ARRDC3: variants seen among roughly 807,000 people sequenced by gnomAD.
The protein encoded by ARRDC3 is arrestin domain-containing protein 3.
A neutral mutation model predicts 47.2 loss-of-function variants in ARRDC3; 10 were observed. The observed-to-expected ratio is 0.21, with a 90% CI of 0.13 to 0.36. ARRDC3 has a LOEUF of 0.36. ARRDC3 is among the 10% of genes least tolerant of loss of function. The probability of loss-of-function intolerance (pLI) is 1.00; values close to 1 mark genes in which losing one functional copy is unlikely to be tolerated. For synonymous variants in ARRDC3, 156 were observed against 178.3 expected, an observed-to-expected ratio of 0.87 and a Z score of 1.00; for missense variants, 381 against 503.6, an observed-to-expected ratio of 0.76 and a Z score of 2.33.
In ARRDC3 at chr5:91,378,569, G is replaced by C. The variant is rs1335745469; in HGVS notation, c.362+125C>G. ...ATGTTTAATATATTGTTTTCCTCTA[G>C]CAAGTTTCAGTAATGAAAAGGGTTT... On this transcript the variant is annotated intron_variant, in intron 2 of 7. Coordinates refer to ENST00000265138, the MANE Select transcript of ARRDC3 (RefSeq NM_020801.4). The C allele has an allele frequency of 9.8e-6, 6 of 613,510 alleles. No individual in the cohort carries two copies. In the East Asian group the frequency reaches 2.0e-4, roughly 20 times the overall value. The allele number at this position is 613,510 out of a possible 1,614,324, so 38.0% of individuals were successfully genotyped here.
chr5:91,375,666 A>G, intron 3 of ARRDC3, 53 bp from the exon 4 acceptor site: 1 of 1,154,682 alleles, frequency 8.7e-7, no homozygotes, highest in East Asian at 2.6e-5. Flanking sequence ...GGTACAATCA[A>G]TACCAGAATA....
intron 3 of ARRDC3, among the ~76,000 whole-genome samples, chr5:91,375,930 C>A (rs1242770871): frequency 6.6e-6 from 1 of 151,922 alleles, no homozygotes; most frequent in Non-Finnish European, 1.5e-5. Flanking sequence ...ATAAAAAAAA[C>A]CCTTTCCACA....
At chr5:91,372,025 A>C (rs1425964442) in intron 7 of ARRDC3, among the ~76,000 whole-genome samples, 1 of 152,088 alleles carries the variant, frequency 6.6e-6, no homozygotes, top group Non-Finnish European at 1.5e-5. Context: ...AGGGCCAAAA[A>C]CGCAGTGTAT....
intron 1 of ARRDC3, among the ~76,000 whole-genome samples, chr5:91,379,501 A>G (rs1454339239): frequency 5.3e-5 from 8 of 152,076 alleles, no homozygotes; most frequent in Non-Finnish European, 1.2e-4. Context: ...TAAGGAAACA[A>G]TATTTTCCAA....
intron 7 of ARRDC3, among the ~76,000 whole-genome samples, chr5:91,373,024 A>C (rs1346005015): frequency 6.6e-6 from 1 of 152,092 alleles, no homozygotes; most frequent in African/African-American, 2.4e-5. Flanking sequence ...CTTAATAGTC[A>C]CCTTTTCAAG....
rs1267056207 is a variant in ARRDC3 at position 91,369,358 on chromosome 5, A to ATTC, written c.*2039_*2041dup. 1 of 152,364 alleles carries ATTC rather than the reference A, an allele frequency of 6.6e-6. No homozygotes were observed. Among genetic ancestry groups the ATTC allele is most frequent in the East Asian group, 1.9e-4 (1 of 5,194 alleles). The allele number at this position is 152,364 out of a possible 1,614,324, so 9.4% of individuals were successfully genotyped here. On this transcript the variant is annotated 3_prime_UTR_variant, in exon 8 of 8. Coordinates refer to ENST00000265138, the MANE Select transcript of ARRDC3 (RefSeq NM_020801.4). Reference sequence around the variant, plus strand: ...TCCATTAGCTTTTTTTGAGGGGGACATTCACAAAATGATTCAACAATAAAA... The same window carrying ATTC: ...TCCATTAGCTTTTTTTGAGGGGGACATTCTTCACAAAATGATTCAACAATAAAA...
At chr5:91,374,359 T>G in intron 5 of ARRDC3, 83 bp from the exon 6 acceptor site, 1 of 1,244,430 alleles carries the variant, frequency 8.0e-7, no homozygotes, top group Admixed American at 2.3e-5. Flanking sequence ...TTAATGTTAT[T>G]TGAAACCCCC....
At position 91,370,294 on chromosome 5, in the gene ARRDC3, T is replaced by C. The variant is rs1222053193; in HGVS notation, c.*1106A>G. The C allele has an allele frequency of 2.6e-5, 4 of 152,544 alleles. No homozygotes were observed. 9.4% of individuals were successfully genotyped at this position (152,544 alleles called of 1,614,324 possible). A position where few individuals can be genotyped will look rare whatever the true frequency, so the allele number is the denominator to read the frequency against. ...GAAAACTTCCATACTTTCAAAATAA[T>C]AATAAAAAAAATAATTTTTAAGAGC... On this transcript the variant is annotated 3_prime_UTR_variant, in exon 8 of 8. Coordinates refer to ENST00000265138, the MANE Select transcript of ARRDC3 (RefSeq NM_020801.4).
In ARRDC3 at chr5:91,375,581, G is replaced by A; in HGVS notation, c.543C>T (p.Leu181=). 1.9e-6 allele frequency: 3 copies of A among 1,610,420 alleles called. No individual in the cohort carries two copies. The highest frequency in any genetic ancestry group is 2.5e-6 in the Non-Finnish European group (3 of 1,177,918). ...GGCCTGAGGTACAGAACCAGCAACAGAGTGTCTTTTCTTTTGTGCCTGCTT... is the reference window on the plus strand; with the variant it reads ...GGCCTGAGGTACAGAACCAGCAACAAAGTGTCTTTTCTTTTGTGCCTGCTT... ...SPQAGTKEKT[L]CCWFCTSGPI... The change falls in exon 4 of 8, where the codon CTC becomes CTT. Residue 181 remains leucine, a synonymous_variant. Coordinates refer to ENST00000265138, the MANE Select transcript of ARRDC3 (RefSeq NM_020801.4).
Position 91,375,063 on chromosome 5 carries a change from T to C in ARRDC3, c.729A>G (p.Val243=). ...AFYAKGKMKE[V]KQLVANLRGE... is the part of the protein sequence containing the mutation. ...CACGCAAGTTAGCCACAAGCTGTTT[T>C]ACTTCCTTCATTTTCCCTTTGGCAT... The change falls in exon 5 of 8, where the codon GTA becomes GTG. Residue 243 remains valine, a synonymous_variant. Transcript: ENST00000265138. The C allele has an allele frequency of 1.2e-6, 2 of 1,614,242 alleles. No homozygotes were observed. The highest frequency in any genetic ancestry group is 1.7e-6 in the Non-Finnish European group (2 of 1,180,036).
At chr5:91,378,662 CTA>C (rs762682874) in intron 2 of ARRDC3, 30 bp downstream of exon 2, 11 of 1,161,128 alleles carry the variant, frequency 9.5e-6, no homozygotes, top group Middle Eastern at 4.2e-4. Flanking sequence ...TCATAAGTAT[CTA>C]TAAAAATGCC....
chr5:91,375,219 AAAC>A (rs144736540), intron 4 of ARRDC3, 41 bp from the exon 5 acceptor site: 45,219 of 1,567,080 alleles, frequency 0.029, 765 homozygotes, highest in Middle Eastern at 0.033. Context: ...TGTTAGAAAA[AAAC>A]AACAAAAGAA....
chr5:91,374,587 A>C (rs1445245342), intron 5 of ARRDC3, among the ~76,000 whole-genome samples: 1 of 152,130 alleles, frequency 6.6e-6, no homozygotes, highest in Non-Finnish European at 1.5e-5. Context: ...AAAAAAAAAC[A>C]CCAAAAACCT....
At chr5:91,381,321 G>A (rs1799453425) in intron 1 of ARRDC3, among the ~76,000 whole-genome samples, 1 of 152,132 alleles carries the variant, frequency 6.6e-6, no homozygotes, top group Non-Finnish European at 1.5e-5. Context: ...CCCACTGCAA[G>A]TCTTAACCCC....
At chr5:91,371,943 C>A (rs1799187216) in intron 7 of ARRDC3, among the ~76,000 whole-genome samples, 1 of 152,020 alleles carries the variant, frequency 6.6e-6, no homozygotes, top group Admixed American at 6.6e-5. Flanking sequence ...ATACAATGTG[C>A]AAACAATTTG....
Position 91,371,008 on chromosome 5 carries a change from GAAAAAAAAAA to G in ARRDC3, c.*382_*391del, listed in dbSNP as rs767515801. 144 of 77,692 alleles carry G rather than the reference GAAAAAAAAAA, an allele frequency of 1.9e-3. No homozygotes were observed. Among genetic ancestry groups the G allele is most frequent in the African/African-American group, 5.7e-3 (136 of 23,930 alleles). The allele number at this position is 77,692 out of a possible 1,614,324, so 4.8% of individuals were successfully genotyped here. A position where few individuals can be genotyped will look rare whatever the true frequency, so the allele number is the denominator to read the frequency against. ...GAGTATCAAGAGTCTGGCAAAAATA[GAAAAAAAAAA>G]AAAAAAAAAAAGAAGCTGTAGTGAC... On this transcript the variant is annotated 3_prime_UTR_variant, in exon 8 of 8. Transcript: ENST00000265138.
rs774798661 is a variant in ARRDC3, at chr5:91,378,772, T to C, written c.284A>G (p.Asp95Gly). The change falls in exon 2 of 8, where the codon GAT (aspartate) becomes GGT (glycine). Residue 95 changes from aspartate to glycine, a missense_variant. Physicochemically the swap from Asp to Gly is moderately conservative, Grantham distance 94. Transcript: ENST00000265138. ...GTGGAAGCCTTCTTCGGAATTATCA[T>C]CATCTAAAACAAACATAAAAAGAAA... ...KDILIGHERD[D>G]DNSEEGFHTI... is the part of the protein sequence containing the mutation. The C allele has an allele frequency of 6.9e-6, 11 of 1,585,208 alleles. No homozygotes were observed. Among genetic ancestry groups the C allele is most frequent in the African/African-American group, 5.5e-5 (4 of 73,392 alleles).
intron 7 of ARRDC3, among the ~76,000 whole-genome samples, chr5:91,372,677 T>C (rs971073927): frequency 6.6e-6 from 1 of 152,122 alleles, no homozygotes; most frequent in Non-Finnish European, 1.5e-5. Flanking sequence ...AGATCTCATA[T>C]CATCACAACC....
chr5:91,375,061 T>C lies in ARRDC3; in HGVS notation c.731A>G (p.Lys244Arg). The C allele has an allele frequency of 6.2e-7, 1 of 1,614,234 alleles. No homozygotes were observed. The highest frequency in any genetic ancestry group is 8.5e-7 in the Non-Finnish European group (1 of 1,180,040). The part of the protein sequence containing the change: ...FYAKGKMKEV[K>R]QLVANLRGES... ...CCCACGCAAGTTAGCCACAAGCTGT[T>C]TTACTTCCTTCATTTTCCCTTTGGC... The change falls in exon 5 of 8, where the codon AAA becomes AGA. Residue 244 changes from lysine to arginine, a missense_variant. Coordinates refer to ENST00000265138, the MANE Select transcript of ARRDC3 (RefSeq NM_020801.4).
Sources: allele counts gnomAD v4.1 joint callset (sites outside exome capture counted in the v4.1 genomes callset), GRCh38; gene constraint gnomAD v4.1.1; transcripts MANE v1.5; gene names NCBI Gene and HGNC (gene_info 2026-07-23, HGNC 2026-07-21).